The following TRDN variants were observed in gnomAD, a reference collection of about 807,000 sequenced individuals.
The protein encoded by TRDN is triadin.
A neutral mutation model predicts 149.7 loss-of-function variants in TRDN; 161 were observed. That is an observed-to-expected ratio of 1.08 (90% CI 0.95 to 1.23). The LOEUF (loss-of-function observed/expected upper bound fraction) is 1.23. Ranked by LOEUF, TRDN falls within the 50% of genes most tolerant of loss-of-function variation. TRDN has a pLI of 0.00. For synonymous variants in TRDN, 294 were observed against 250.5 expected (o/e 1.17, Z -1.64); for missense variants, 896 against 823.5 (o/e 1.09, Z -1.08).
Position 123,539,113 on chromosome 6 carries a change from T to G in TRDN, c.424+8227A>C, listed in dbSNP as rs557645793. On this transcript the variant is annotated intron_variant, in intron 4 of 40. Coordinates refer to ENST00000334268, the MANE Select transcript of TRDN (RefSeq NM_006073.4). The stretch of plus-strand genomic sequence containing the variant: ...TCCTGAGCTACTACTCAAATGTTAT[T>G]AATTTGTCTCTCATGACAAGGAAAT... Among the ~76,000 whole-genome samples, 103 of 152,310 alleles carry G rather than the reference T, an allele frequency of 6.8e-4. 1 individual carries two copies. Among genetic ancestry groups the G allele is most frequent in the Non-Finnish European group, 1.3e-3 (88 of 68,020 alleles).
chr6:123,327,983 T>C (rs1355673150), intron 23 of TRDN, among the ~76,000 whole-genome samples: 1 of 152,226 alleles, frequency 6.6e-6, no homozygotes, highest in Admixed American at 6.5e-5. Flanking sequence ...TGCGTTGTTT[T>C]GTTTAGTCAA....
chr6:123,284,438 G>A (rs1777728511), intron 24 of TRDN, among the ~76,000 whole-genome samples: 1 of 151,832 alleles, frequency 6.6e-6, no homozygotes, highest in African/African-American at 2.4e-5. Context: ...AATAGACACA[G>A]AAAAAGCATT....
chr6:123,313,508 G>A (rs965644292), intron 24 of TRDN, among the ~76,000 whole-genome samples: 15 of 151,798 alleles, frequency 9.9e-5, no homozygotes, highest in African/African-American at 3.1e-4. Context: ...TAAAAGTCTG[G>A]CCTCCTTTCC....
intron 32 of TRDN, 84 bp downstream of exon 32, chr6:123,267,623 T>A (rs1777057264): frequency 1.1e-6 from 1 of 911,132 alleles, no homozygotes; most frequent in East Asian, 2.9e-5. Flanking sequence ...ACAGTGAAAA[T>A]GACTTGTATG....
At chr6:123,312,406 A>C (rs912268658) in intron 24 of TRDN, among the ~76,000 whole-genome samples, 1 of 151,934 alleles carries the variant, frequency 6.6e-6, no homozygotes. Flanking sequence ...GATGATACAT[A>C]AGTATCATCA....
At position 123,337,632 on chromosome 6, in the gene TRDN, A is replaced by T. The variant is rs763061131; in HGVS notation, c.1407T>A (p.Ile469=). The T allele has an allele frequency of 7.0e-7, 1 of 1,427,142 alleles. No individual in the cohort carries two copies. The highest frequency in any genetic ancestry group is 1.4e-5 in the South Asian group (1 of 71,774). The allele number at this position is 1,427,142 out of a possible 1,614,324, so 88.4% of individuals were successfully genotyped here. ...RKEKSGKTSS[I]LKDKEPIKGK... ...TAACTCTGTTACCTTTATCTTTCAG[A>T]ATTGAAGAAGTCTTCCCAGATTTTT... Residue 469 remains isoleucine, a synonymous_variant, in exon 22 of 41, where the codon ATT becomes ATA. Transcript: ENST00000334268.
At chr6:123,412,143 A>G (rs959348254) in intron 12 of TRDN, among the ~76,000 whole-genome samples, 1 of 152,224 alleles carries the variant, frequency 6.6e-6, no homozygotes, top group Non-Finnish European at 1.5e-5. Context: ...ATAGCTAACC[A>G]GCACACCATG....
At chr6:123,575,897 A>G (rs543323995) in intron 1 of TRDN, among the ~76,000 whole-genome samples, 2 of 152,230 alleles carry the variant, frequency 1.3e-5, no homozygotes, top group Admixed American at 6.6e-5. Flanking sequence ...TGACAATACA[A>G]TCTCTTTCAG....
At chr6:123,529,251 T>G (rs1436672277) in intron 5 of TRDN, 3 of 1,548,826 alleles carry the variant, frequency 1.9e-6, no homozygotes, top group Non-Finnish European at 2.6e-6. Context: ...AGTTCAGTCA[T>G]GGTTCGCTTA....
chr6:123,463,816 T>C (rs1391074997), intron 10 of TRDN, among the ~76,000 whole-genome samples: 1 of 151,940 alleles, frequency 6.6e-6, no homozygotes, highest in Non-Finnish European at 1.5e-5. Flanking sequence ...AAATCACTTG[T>C]TTACTCTCTA....
intron 20 of TRDN, 110 bp downstream of exon 20, chr6:123,366,025 A>G: frequency 3.3e-6 from 3 of 916,478 alleles, no homozygotes; most frequent in Non-Finnish European, 4.9e-6. Flanking sequence ...TCAACGAACT[A>G]GTAAAATCAA....
At chr6:123,389,161 C>G (rs1272467830) in intron 13 of TRDN, among the ~76,000 whole-genome samples, 1 of 152,052 alleles carries the variant, frequency 6.6e-6, no homozygotes, top group Non-Finnish European at 1.5e-5. Context: ...AATTCTGGAC[C>G]ATGAATCTAA....
chr6:123,344,419 C>G (rs143888467), intron 21 of TRDN, among the ~76,000 whole-genome samples: 1 of 152,128 alleles, frequency 6.6e-6, no homozygotes, highest in East Asian at 1.9e-4. Context: ...ATTCTCTATG[C>G]TCCACCTATT....
intron 9 of TRDN, among the ~76,000 whole-genome samples, chr6:123,485,140 G>A (rs923843786): frequency 2.6e-5 from 4 of 152,162 alleles, no homozygotes; most frequent in Non-Finnish European, 5.9e-5. Flanking sequence ...TCCAGGAACT[G>A]TGTGCTTCCA....
intron 1 of TRDN, among the ~76,000 whole-genome samples, chr6:123,605,938 C>A (rs891490405): frequency 3.9e-5 from 6 of 152,064 alleles, no homozygotes; most frequent in Non-Finnish European, 7.4e-5. Flanking sequence ...GTGGCATGGG[C>A]AGAGACTGGC....
chr6:123,246,425 C>G (rs1383154142), intron 38 of TRDN, among the ~76,000 whole-genome samples: 1 of 152,066 alleles, frequency 6.6e-6, no homozygotes, highest in African/African-American at 2.4e-5. Context: ...CACAGAATTG[C>G]AAACTACCAT....
chr6:123,436,428 C>G (rs187498362), intron 12 of TRDN, among the ~76,000 whole-genome samples: 24 of 152,078 alleles, frequency 1.6e-4, no homozygotes, highest in African/African-American at 5.3e-4. Context: ...CTGGCTGATC[C>G]TTCTTGCTCA....
chr6:123,225,104 C>CAT (rs76831702), intron 38 of TRDN, among the ~76,000 whole-genome samples: 125,502 of 151,422 alleles, frequency 0.83, 52,804 homozygotes, highest in African/African-American at 0.95. Context: ...TTTCCAAAGA[C>CAT]ATACAAATGA....
chr6:123,467,680 A>G (rs1256278615), intron 9 of TRDN, among the ~76,000 whole-genome samples: 1 of 152,230 alleles, frequency 6.6e-6, no homozygotes, highest in Non-Finnish European at 1.5e-5. Flanking sequence ...ATACTTGAAC[A>G]TGACACACGA....
Sources: gnomAD v4.1 joint callset for allele counts (sites outside exome capture counted in the v4.1 genomes callset) on GRCh38, gnomAD v4.1.1 for gene constraint, MANE v1.5 for transcripts, NCBI Gene and HGNC (gene_info 2026-07-23, HGNC 2026-07-21) for gene names.